Variants in OPCML observed in about 807,000 individuals in gnomAD.
OPCML encodes the protein opioid binding protein/cell adhesion molecule like, also known as opioid-binding protein/cell adhesion molecule.
OPCML carries 13 observed loss-of-function variants against 37.8 expected under a neutral mutation model. That is an observed-to-expected ratio of 0.34 (90% CI 0.22 to 0.55). OPCML has a LOEUF of 0.55. Among genes scored for constraint, OPCML ranks in the 20% least tolerant of loss-of-function variants. OPCML has a pLI of 0.91. For synonymous variants in OPCML, 176 were observed against 168.8 expected (o/e 1.04, Z -0.33); for missense variants, 341 against 435.6 (o/e 0.78, Z 1.93).
At chr11:133,127,086 G>A (rs1455957874) in intron 1 of OPCML, among the ~76,000 whole-genome samples, 1 of 152,090 alleles carries the variant, frequency 6.6e-6, no homozygotes, top group Non-Finnish European at 1.5e-5. Context: ...ACCTAGGAAA[G>A]GTAACAAGAA....
At chr11:133,013,003 G>T (rs1014373815) in intron 1 of OPCML, among the ~76,000 whole-genome samples, 1 of 152,082 alleles carries the variant, frequency 6.6e-6, no homozygotes, top group Non-Finnish European at 1.5e-5. Context: ...AACTGGTCTG[G>T]CACCTCTCAT....
At chr11:132,989,325 C>T (rs929339511) in intron 1 of OPCML, among the ~76,000 whole-genome samples, 4 of 152,230 alleles carry the variant, frequency 2.6e-5, no homozygotes, top group African/African-American at 9.6e-5. Context: ...CACAGCACTA[C>T]AGCAACACAC....
At chr11:133,487,830 A>G (rs1947563112) in intron 1 of OPCML, among the ~76,000 whole-genome samples, 1 of 151,734 alleles carries the variant, frequency 6.6e-6, no homozygotes, top group Non-Finnish European at 1.5e-5. Flanking sequence ...AAGTAATCCC[A>G]ATCAGAATCT....
At chr11:132,596,403 T>C (rs971185781) in intron 3 of OPCML, among the ~76,000 whole-genome samples, 1 of 152,238 alleles carries the variant, frequency 6.6e-6, no homozygotes, top group Non-Finnish European at 1.5e-5. Context: ...TTCTGCCTTA[T>C]ACTTTTGTTT....
intron 1 of OPCML, among the ~76,000 whole-genome samples, chr11:133,358,741 C>A (rs1006019768): frequency 6.6e-6 from 1 of 152,106 alleles, no homozygotes; most frequent in African/African-American, 2.4e-5. Context: ...AGTGCTATTT[C>A]CAAAAGATGC....
At chr11:132,588,883 C>A (rs146374043) in intron 3 of OPCML, among the ~76,000 whole-genome samples, 1 of 152,272 alleles carries the variant, frequency 6.6e-6, no homozygotes, top group African/African-American at 2.4e-5. Flanking sequence ...AAACTCTCGG[C>A]AAGCAACTCT....
intron 1 of OPCML, among the ~76,000 whole-genome samples, chr11:132,990,994 A>G (rs191515203): frequency 1.1e-3 from 171 of 152,342 alleles, no homozygotes; most frequent in Non-Finnish European, 1.9e-3. Flanking sequence ...TGCCCCATAG[A>G]GGAATCAGAG....
At chr11:132,910,294 C>T (rs1944386492) in intron 2 of OPCML, among the ~76,000 whole-genome samples, 2 of 152,218 alleles carry the variant, frequency 1.3e-5, no homozygotes, top group Admixed American at 6.5e-5. Context: ...GGCCATTATG[C>T]CCCCACAGGG....
intron 2 of OPCML, among the ~76,000 whole-genome samples, chr11:132,729,435 C>T (rs553874993): frequency 3.9e-4 from 60 of 152,234 alleles, no homozygotes; most frequent in African/African-American, 1.3e-3. Flanking sequence ...AAAGGTTAAA[C>T]GGGCTGGTCA....
intron 1 of OPCML, among the ~76,000 whole-genome samples, chr11:133,438,378 A>T (rs1946288871): frequency 6.6e-6 from 1 of 152,226 alleles, no homozygotes; most frequent in African/African-American, 2.4e-5. Flanking sequence ...CACAGGCAAG[A>T]TCCAAACAAA....
intron 2 of OPCML, among the ~76,000 whole-genome samples, chr11:132,868,907 C>G (rs1942683286): frequency 6.6e-6 from 1 of 152,114 alleles, no homozygotes; most frequent in Non-Finnish European, 1.5e-5. Context: ...AGTGCCTGAT[C>G]TCAAATTTAC....
intron 1 of OPCML, among the ~76,000 whole-genome samples, chr11:133,303,366 C>T (rs766707530): frequency 6.6e-6 from 1 of 152,126 alleles, no homozygotes; most frequent in Non-Finnish European, 1.5e-5. Flanking sequence ...GAAACTCTAA[C>T]AAAAATGTGC....
intron 1 of OPCML, among the ~76,000 whole-genome samples, chr11:133,051,058 TAC>T (rs113538759): frequency 0.019 from 2,768 of 147,920 alleles, 25 homozygotes; most frequent in South Asian, 0.04. Flanking sequence ...TGTGTGTACA[TAC>T]ACACACACAC....
chr11:133,033,754 A>G (rs537493031), intron 1 of OPCML, among the ~76,000 whole-genome samples: 4 of 152,336 alleles, frequency 2.6e-5, no homozygotes, highest in Admixed American at 2.6e-4. Flanking sequence ...AAAAATATGC[A>G]GCTAGTGGTT....
chr11:132,558,354 C>T (rs1224579762), intron 3 of OPCML, among the ~76,000 whole-genome samples: 1 of 31,832 alleles, frequency 3.1e-5, no homozygotes, highest in African/African-American at 1.4e-4. Flanking sequence ...CCCCTCCTCC[C>T]CTCTCCCCCT....
chr11:133,405,417 G>T (rs1459945269), intron 1 of OPCML, among the ~76,000 whole-genome samples: 1 of 152,150 alleles, frequency 6.6e-6, no homozygotes, highest in Non-Finnish European at 1.5e-5. Context: ...TGCTGAATGG[G>T]TTACAAGTAG....
chr11:133,215,838 A>C (rs1939562378), intron 1 of OPCML, among the ~76,000 whole-genome samples: 1 of 152,122 alleles, frequency 6.6e-6, no homozygotes, highest in South Asian at 2.1e-4. Context: ...GCATTTTCCT[A>C]ATAAGACTTT....
At chr11:133,394,913 T>G (rs1186037908) in intron 1 of OPCML, among the ~76,000 whole-genome samples, 1 of 152,232 alleles carries the variant, frequency 6.6e-6, no homozygotes, top group Non-Finnish European at 1.5e-5. Flanking sequence ...CTAGATCACA[T>G]GGTAGCTCTA....
intron 3 of OPCML, among the ~76,000 whole-genome samples, chr11:132,617,418 A>T (rs1591630406): frequency 6.6e-6 from 1 of 152,142 alleles, no homozygotes; most frequent in African/African-American, 2.4e-5. Flanking sequence ...TGTCTGAGGG[A>T]CACTTCGAAG....
Sources: allele counts gnomAD v4.1 joint callset (sites outside exome capture counted in the v4.1 genomes callset), GRCh38; gene constraint gnomAD v4.1.1; transcripts MANE v1.5; gene names NCBI Gene and HGNC (gene_info 2026-07-23, HGNC 2026-07-21).